The following SLC17A5 variants were observed in gnomAD, a reference collection of about 807,000 sequenced individuals.
SLC17A5 encodes sialin.
Under a neutral mutation model 59.4 loss-of-function variants are expected in SLC17A5, and 47 were observed. The observed-to-expected ratio is 0.79, with a 90% confidence interval of 0.63 to 1.01. The LOEUF is 1.01. Among genes scored for constraint, SLC17A5 ranks in the 50% least tolerant of loss-of-function variants. The probability of loss-of-function intolerance (pLI) is 0.00; values close to 1 mark genes in which losing one functional copy is unlikely to be tolerated. For missense variants in SLC17A5, 522 were observed against 595.5 expected, an observed-to-expected ratio of 0.88 and a Z score of 1.28; for synonymous variants, 202 against 210.7, an observed-to-expected ratio of 0.96 and a Z score of 0.36.
chr6:73,619,922 G>GTTTTTTT (rs1174723514), intron 7 of SLC17A5, among the ~76,000 whole-genome samples: 3 of 119,128 alleles, frequency 2.5e-5, no homozygotes, highest in Admixed American at 9.3e-5. Flanking sequence ...TTGAGAATTT[G>GTTTTTTT]TTTTTTTTTT....
chr6:73,619,275 A>G (rs936196514), intron 7 of SLC17A5, among the ~76,000 whole-genome samples: 2 of 152,234 alleles, frequency 1.3e-5, no homozygotes, highest in African/African-American at 4.8e-5. Context: ...GATTTGCTCC[A>G]TGCAGGGTTA....
intron 2 of SLC17A5, among the ~76,000 whole-genome samples, chr6:73,642,490 TGCTG>T (rs1464454855): frequency 9.2e-5 from 14 of 152,368 alleles, no homozygotes; most frequent in African/African-American, 3.4e-4. Context: ...GTTCACTTAG[TGCTG>T]GCTATTAACA....
chr6:73,641,015 T>C (rs1769253551), intron 3 of SLC17A5, among the ~76,000 whole-genome samples: 1 of 152,206 alleles, frequency 6.6e-6, no homozygotes, highest in South Asian at 2.1e-4. Context: ...GCTTCAGACT[T>C]GGGCATCAAT....
rs1299596860 is a variant in SLC17A5, at chr6:73,601,686, G to A, written c.1260-1245C>T. Among the ~76,000 whole-genome samples the A allele has an allele frequency of 3.0e-5, 3 of 101,408 alleles. 1 individual carries two copies. Among genetic ancestry groups the A allele is most frequent in the Admixed American group, 1.7e-4 (2 of 11,614 alleles). 66.5% of individuals were successfully genotyped at this position (101,408 alleles called of 152,430 possible). ...GCCAGATGCCCCGTCCAGGAGGGAGGTGGGGTGGTCAGCCCCCCGCCCGGC... is the reference window on the plus strand; with the variant it reads ...GCCAGATGCCCCGTCCAGGAGGGAGATGGGGTGGTCAGCCCCCCGCCCGGC... On this transcript the variant is annotated intron_variant, in intron 9 of 10. Coordinates refer to ENST00000355773, the MANE Select transcript of SLC17A5 (RefSeq NM_012434.5).
intron 7 of SLC17A5, among the ~76,000 whole-genome samples, chr6:73,617,205 C>T (rs570797383): frequency 1.5e-4 from 23 of 151,848 alleles, no homozygotes; most frequent in Non-Finnish European, 1.9e-4. Context: ...GCAGAAGAAT[C>T]GCTTGAACCT....
chr6:73,644,370 G>A (rs369752853), intron 2 of SLC17A5, 37 bp downstream of exon 2: 44 of 1,493,892 alleles, frequency 2.9e-5, no homozygotes, highest in Non-Finnish European at 3.9e-5. Flanking sequence ...AGTATTTTAG[G>A]ATAATTAAAA....
chr6:73,646,586 T>C (rs997001527), intron 1 of SLC17A5, among the ~76,000 whole-genome samples: 1 of 152,212 alleles, frequency 6.6e-6, no homozygotes, highest in Non-Finnish European at 1.5e-5. Flanking sequence ...CGAATTTGCT[T>C]TCTGCTGCAA....
At chr6:73,643,600 C>A (rs1462816147) in intron 2 of SLC17A5, among the ~76,000 whole-genome samples, 2 of 152,144 alleles carry the variant, frequency 1.3e-5, no homozygotes. Flanking sequence ...CCTCAGCCTC[C>A]TGAGTAGCTG....
chr6:73,623,105 C>T (rs547690063), intron 6 of SLC17A5, among the ~76,000 whole-genome samples: 4 of 152,172 alleles, frequency 2.6e-5, no homozygotes, highest in Admixed American at 2.0e-4. Context: ...GGCATGATCT[C>T]GGCTCACTGC....
At chr6:73,645,924 T>C (rs1217082559) in intron 1 of SLC17A5, among the ~76,000 whole-genome samples, 1 of 152,162 alleles carries the variant, frequency 6.6e-6, no homozygotes, top group Non-Finnish European at 1.5e-5. Flanking sequence ...TTTCTTCTTT[T>C]ATTGAGTTGC....
chr6:73,611,583 T>G (rs540683253), intron 8 of SLC17A5, among the ~76,000 whole-genome samples: 1,468 of 116,494 alleles, frequency 0.013, 20 homozygotes, highest in African/African-American at 0.05. Flanking sequence ...CCGGCCTTGG[T>G]TTTTTTTTTT....
intron 1 of SLC17A5, among the ~76,000 whole-genome samples, chr6:73,647,078 C>T (rs965104614): frequency 6.6e-6 from 1 of 152,186 alleles, no homozygotes; most frequent in Non-Finnish European, 1.5e-5. Flanking sequence ...AAATGTGTTA[C>T]TTTGAGCAAT....
intron 8 of SLC17A5, among the ~76,000 whole-genome samples, chr6:73,613,295 T>G (rs1203663155): frequency 2.0e-5 from 3 of 152,182 alleles, no homozygotes; most frequent in Non-Finnish European, 4.4e-5. Flanking sequence ...TATATAAAAT[T>G]GTGAGGGATG....
chr6:73,612,063 A>G (rs1375051343), intron 8 of SLC17A5, among the ~76,000 whole-genome samples: 2 of 152,108 alleles, frequency 1.3e-5, no homozygotes, highest in East Asian at 3.8e-4. Flanking sequence ...CCCAGGCTGG[A>G]GTGCAGTGGC....
chr6:73,646,801 T>C (rs1426688849), intron 1 of SLC17A5, among the ~76,000 whole-genome samples: 2 of 152,052 alleles, frequency 1.3e-5, no homozygotes, highest in South Asian at 4.1e-4. Flanking sequence ...GCCTCTTGAG[T>C]AGCTGGGACT....
chr6:73,600,151 A>G (rs1335962311), intron 10 of SLC17A5, among the ~76,000 whole-genome samples, 200 bp downstream of exon 10: 1 of 152,216 alleles, frequency 6.6e-6, no homozygotes, highest in East Asian at 1.9e-4. Context: ...CATTTGACTT[A>G]GTTCAATTGT....
chr6:73,653,176 T>G lies in SLC17A5; in HGVS notation c.94+617A>C, dbSNP rs917675851. On this transcript the variant is annotated intron_variant, in intron 1 of 10. Transcript: ENST00000355773. ...TCTCTTACTGCACAATGTCAAGATA[T>G]CAGCTGGGTTATACAATAGTTGCCC... 7.1e-6 allele frequency: 7 copies of G among 985,292 alleles called. No individual in the cohort carries two copies. The African/African-American group carries it at 1.2e-4, about 17-fold the overall frequency. The allele number at this position is 985,292 out of a possible 1,614,324, so 61.0% of individuals were successfully genotyped here.
intron 1 of SLC17A5, among the ~76,000 whole-genome samples, chr6:73,646,757 C>T (rs1370976279): frequency 2.0e-5 from 3 of 151,916 alleles, no homozygotes; most frequent in Non-Finnish European, 4.4e-5. Context: ...TCTGTAACCT[C>T]GAACCCCTGG....
intron 6 of SLC17A5, 119 bp downstream of exon 6, chr6:73,635,263 G>A (rs1768941037): frequency 3.1e-6 from 2 of 637,024 alleles, no homozygotes; most frequent in African/African-American, 1.8e-5. Flanking sequence ...CATTTCATTT[G>A]CCTATTCTAC....
Sources: gnomAD v4.1 joint callset for allele counts (sites outside exome capture counted in the v4.1 genomes callset) on GRCh38, gnomAD v4.1.1 for gene constraint, MANE v1.5 for transcripts, NCBI Gene and HGNC (gene_info 2026-07-23, HGNC 2026-07-21) for gene names.